The following KCTD8 variants were observed in gnomAD, a reference collection of about 807,000 sequenced individuals.
KCTD8 encodes BTB/POZ domain-containing protein KCTD8.
KCTD8 carries 27 observed loss-of-function variants against 31.5 expected under a neutral mutation model. The observed-to-expected ratio is 0.86, with a 90% CI of 0.63 to 1.18. The LOEUF (loss-of-function observed/expected upper bound fraction) is 1.18. Among genes scored for constraint, KCTD8 ranks in the 50% most tolerant of loss-of-function variants. The pLI is 0.00. For synonymous variants in KCTD8, 290 were observed against 280.0 expected (o/e 1.04, Z -0.36); for missense variants, 658 against 647.7 (o/e 1.02, Z -0.17).
chr4:44,264,381 T>A (rs1444147832), intron 1 of KCTD8, among the ~76,000 whole-genome samples: 1 of 152,208 alleles, frequency 6.6e-6, no homozygotes, highest in Non-Finnish European at 1.5e-5. Flanking sequence ...TTGTATTTTC[T>A]TATTTGTTTC....
At chr4:44,337,673 C>CAAAAAAA (rs772899561) in intron 1 of KCTD8, among the ~76,000 whole-genome samples, 2 of 70,496 alleles carry the variant, frequency 2.8e-5, no homozygotes, top group Non-Finnish European at 6.2e-5. Context: ...GACTCGATCT[C>CAAAAAAA]AAAAAATATA....
At chr4:44,280,624 AG>A (rs1425737821) in intron 1 of KCTD8, among the ~76,000 whole-genome samples, 3 of 152,124 alleles carry the variant, frequency 2.0e-5, no homozygotes, top group African/African-American at 7.2e-5. Flanking sequence ...AAATTGTGGA[AG>A]GGGACAGATG....
At chr4:44,214,695 T>C (rs1364868356) in intron 1 of KCTD8, among the ~76,000 whole-genome samples, 1 of 152,202 alleles carries the variant, frequency 6.6e-6, no homozygotes, top group African/African-American at 2.4e-5. Context: ...TTGCTGTGCA[T>C]AGGCTGAACT....
intron 1 of KCTD8, among the ~76,000 whole-genome samples, chr4:44,386,385 C>T (rs55917646): frequency 0.059 from 8,857 of 151,262 alleles, 861 homozygotes; most frequent in African/African-American, 0.2. Context: ...AAAACTAAGG[C>T]GTGCAAGCAA....
chr4:44,254,760 A>G (rs1715945098), intron 1 of KCTD8, among the ~76,000 whole-genome samples: 1 of 151,748 alleles, frequency 6.6e-6, no homozygotes, highest in Non-Finnish European at 1.5e-5. Context: ...TGCTCTACCT[A>G]TTTTCCAATG....
chr4:44,439,443 A>T (rs1400748236), intron 1 of KCTD8, among the ~76,000 whole-genome samples: 3 of 152,200 alleles, frequency 2.0e-5, no homozygotes, highest in Admixed American at 6.5e-5. Flanking sequence ...ACTAAGTTTA[A>T]TGTTGAATAA....
chr4:44,213,148 G>A (rs766528185), intron 1 of KCTD8, among the ~76,000 whole-genome samples: 1 of 152,026 alleles, frequency 6.6e-6, no homozygotes, highest in African/African-American at 2.4e-5. Context: ...ATCTTAGCCA[G>A]GATGGTCTTG....
intron 1 of KCTD8, among the ~76,000 whole-genome samples, chr4:44,292,671 AT>A (rs557087231): frequency 4.2e-4 from 64 of 151,916 alleles, no homozygotes; most frequent in Admixed American, 1.1e-3. Flanking sequence ...TGGTGGTGCA[AT>A]TTTTTTTCTT....
At chr4:44,181,219 CTTTCCACGG>C (rs1312403528) in intron 1 of KCTD8, among the ~76,000 whole-genome samples, 1,465 of 101,062 alleles carry the variant, frequency 0.014, 65 homozygotes, top group African/African-American at 0.055. Flanking sequence ...CTCTCCCTCT[CTTTCCACGG>C]TCTCCCTCTC....
chr4:44,352,250 C>A (rs1206798785), intron 1 of KCTD8, among the ~76,000 whole-genome samples: 1 of 151,972 alleles, frequency 6.6e-6, no homozygotes, highest in African/African-American at 2.4e-5. Context: ...TCCACAATGC[C>A]TCTGAAGCAC....
At chr4:44,219,508 G>A (rs1340349962) in intron 1 of KCTD8, among the ~76,000 whole-genome samples, 1 of 152,162 alleles carries the variant, frequency 6.6e-6, no homozygotes, top group Non-Finnish European at 1.5e-5. Flanking sequence ...AGGGAAGAAT[G>A]CCATGTGAAG....
chr4:44,349,984 T>A (rs1339580858), intron 1 of KCTD8, among the ~76,000 whole-genome samples: 1 of 152,144 alleles, frequency 6.6e-6, no homozygotes, highest in African/African-American at 2.4e-5. Context: ...GAATATTATT[T>A]CCATCTACCA....
chr4:44,258,750 A>C (rs911672451), intron 1 of KCTD8, among the ~76,000 whole-genome samples: 1 of 151,908 alleles, frequency 6.6e-6, no homozygotes, highest in African/African-American at 2.4e-5. Flanking sequence ...ATTCTGCAGA[A>C]AGTATTTGCT....
At chr4:44,278,681 A>G (rs1193338116) in intron 1 of KCTD8, among the ~76,000 whole-genome samples, 2 of 152,060 alleles carry the variant, frequency 1.3e-5, no homozygotes, top group Admixed American at 6.6e-5. Context: ...TCAAATTTTA[A>G]TGAATGGTAT....
chr4:44,230,761 A>C (rs1715097705), intron 1 of KCTD8, among the ~76,000 whole-genome samples: 1 of 152,184 alleles, frequency 6.6e-6, no homozygotes, highest in Non-Finnish European at 1.5e-5. Context: ...TTTCTCATGG[A>C]GTAATTCTTG....
chr4:44,284,938 G>A (rs1717021202), intron 1 of KCTD8, among the ~76,000 whole-genome samples: 1 of 152,156 alleles, frequency 6.6e-6, no homozygotes, highest in African/African-American at 2.4e-5. Context: ...TCTCATGCCA[G>A]TTAGAATGGT....
intron 1 of KCTD8, among the ~76,000 whole-genome samples, chr4:44,361,798 T>A (rs1719504190): frequency 6.6e-6 from 1 of 152,144 alleles, no homozygotes; most frequent in South Asian, 2.1e-4. Flanking sequence ...CAAGTGGTTA[T>A]AGAAAGCTTT....
chr4:44,312,573 C>A (rs532069365), intron 1 of KCTD8, among the ~76,000 whole-genome samples: 1 of 152,252 alleles, frequency 6.6e-6, no homozygotes, highest in South Asian at 2.1e-4. Context: ...TGTATACACA[C>A]TGATGCACCT....
intron 1 of KCTD8, among the ~76,000 whole-genome samples, chr4:44,208,097 C>T (rs17641498): frequency 0.12 from 18,232 of 152,156 alleles, 1,391 homozygotes; most frequent in East Asian, 0.25. Flanking sequence ...CACAGTTTTC[C>T]TCTTTGGGTA....
Sources: gnomAD v4.1 joint callset for allele counts (sites outside exome capture counted in the v4.1 genomes callset) on GRCh38, gnomAD v4.1.1 for gene constraint, MANE v1.5 for transcripts, NCBI Gene and HGNC (gene_info 2026-07-23, HGNC 2026-07-21) for gene names.